Variants in LHX3 observed in about 807,000 individuals in gnomAD.
The protein encoded by LHX3 is LIM homeobox 3, also known as LIM/homeobox protein Lhx3.
LHX3 carries 21 observed loss-of-function variants against 32.4 expected under a neutral mutation model. That is an observed-to-expected ratio of 0.65 (90% CI 0.46 to 0.93). The LOEUF is 0.93. Among genes scored for constraint, LHX3 ranks in the 40% least tolerant of loss-of-function variants. LHX3 has a pLI of 0.00. For synonymous variants in LHX3, 258 were observed against 246.8 expected (o/e 1.05, Z -0.43); for missense variants, 626 against 560.0 (o/e 1.12, Z -1.19).
chr9:136,197,701 T>C lies in LHX3; in HGVS notation c.818A>G (p.Tyr273Cys), dbSNP rs558071145. 6.2e-7 allele frequency: 1 copy of C among 1,606,452 alleles called. No homozygotes were observed. Among genetic ancestry groups the C allele is most frequent in the South Asian group, 1.1e-5 (1 of 90,912 alleles). ...CTGGGTGGGTTCCCCCAAGCTCCCG[T>C]AGAGGCCATTGGCCGGGCCCATTTC... ...LAEMGPANGL[Y>C]GSLGEPTQAL... The change falls in exon 6 of 6, where the codon TAC becomes TGC. Residue 273 changes from tyrosine to cysteine, a missense_variant. Coordinates refer to ENST00000371748, the MANE Select transcript of LHX3 (RefSeq NM_178138.6).
chr9:136,196,723 G>T lies in LHX3; in HGVS notation c.*602C>A. The T allele has an allele frequency of 6.5e-6, 1 of 155,032 alleles. No individual in the cohort carries two copies. The highest frequency in any genetic ancestry group is 1.4e-5 in the Non-Finnish European group (1 of 69,804). The allele number at this position is 155,032 out of a possible 1,614,324, so 9.6% of individuals were successfully genotyped here. A position where few individuals can be genotyped will look rare whatever the true frequency, so the allele number is the denominator to read the frequency against. On this transcript the variant is annotated 3_prime_UTR_variant, in exon 6 of 6. Transcript: ENST00000371748. ...AGAACAGAATGATCTAGAGACCTGG[G>T]GATTGGGGAAAGCTTCTCCCGGGGA... is the stretch of plus-strand genomic sequence containing the variant.
chr9:136,198,796 TGGCCCGGCGGTTCTGGAACCAAACCTG>T lies in LHX3; in HGVS notation c.607-3_630del, dbSNP rs969810391. 3 of 1,608,854 alleles carry T rather than the reference TGGCCCGGCGGTTCTGGAACCAAACCTG, an allele frequency of 1.9e-6. No homozygotes were observed. The highest frequency in any genetic ancestry group is 1.3e-5 in the African/African-American group (1 of 74,744). On this transcript the variant is annotated splice_acceptor_variant and splice_polypyrimidine_tract_variant and coding_sequence_variant and intron_variant, in exon 5 of 6. Transcript: ENST00000371748. LOFTEE classifies it high-confidence loss of function. ...GCGTCCTTCTTCAGCCTCTTCTCCT[TGGCCCGGCGGTTCTGGAACCAAACCTG>T]GGGGCGGGGCGGGGTGAGCGGCCGC...
At chr9:136,201,871 G>A (rs991851016) in intron 1 of LHX3, among the ~76,000 whole-genome samples, 3 of 152,196 alleles carry the variant, frequency 2.0e-5, no homozygotes, top group Admixed American at 2.0e-4. Context: ...CGAGGACCCG[G>A]CTCGGAGCGG....
At chr9:136,202,825 G>A in intron 1 of LHX3, 3 of 1,181,954 alleles carry the variant, frequency 2.5e-6, no homozygotes, top group South Asian at 1.3e-5. Context: ...CGGACGTTCC[G>A]GGGTCCTCGC....
intron 3 of LHX3, among the ~76,000 whole-genome samples, chr9:136,199,397 G>T (rs944578611): frequency 6.6e-6 from 1 of 152,228 alleles, no homozygotes; most frequent in Non-Finnish European, 1.5e-5. Context: ...TATTCTAAGG[G>T]TGTGGGTATG....
Position 136,197,268 on chromosome 9 carries a change from G to T in LHX3, c.*57C>A. 1 of 1,589,090 alleles carries T rather than the reference G, an allele frequency of 6.3e-7. No homozygotes were observed. The highest frequency in any genetic ancestry group is 1.3e-5 in the African/African-American group (1 of 74,556). On this transcript the variant is annotated 3_prime_UTR_variant, in exon 6 of 6. Transcript: ENST00000371748. ...TCCTCGGAAACCCCAGCAGCCCCGA[G>T]CCGCCCACCCAGGGGCAGCTCCCTC...
Position 136,199,951 on chromosome 9 carries a change from A to T in LHX3, c.252-71T>A, listed in dbSNP as rs1924521. 69 of 1,488,234 alleles carry T rather than the reference A, an allele frequency of 4.6e-5. 1 individual carries two copies. In the East Asian group the frequency reaches 5.4e-4, roughly 12 times the overall value. The allele number at this position is 1,488,234 out of a possible 1,614,324, so 92.2% of individuals were successfully genotyped here. A position where few individuals can be genotyped will look rare whatever the true frequency, so the allele number is the denominator to read the frequency against. ...ATTTCGCCCCGAGCGGGTTGGAGAG[A>T]GGCAAGCGGCTGCCTGGGAAGGCGG... On this transcript the variant is annotated intron_variant, in intron 2 of 5. Coordinates refer to ENST00000371748, the MANE Select transcript of LHX3 (RefSeq NM_178138.6).
At chr9:136,199,597 C>T in intron 3 of LHX3, 81 bp downstream of exon 3, 7 of 1,468,150 alleles carry the variant, frequency 4.8e-6, no homozygotes, top group South Asian at 1.1e-5. Flanking sequence ...GAGAGAATTT[C>T]CCCGGACGCC....
intron 1 of LHX3, chr9:136,201,079 TG>T: frequency 7.5e-7 from 1 of 1,334,610 alleles, no homozygotes; most frequent in African/African-American, 1.5e-5. Context: ...AGGGTGCATG[TG>T]GAGCTCAAAT....
intron 1 of LHX3, 107 bp downstream of exon 1, chr9:136,204,827 A>G (rs943424325): frequency 3.9e-5 from 35 of 902,968 alleles, no homozygotes; most frequent in African/African-American, 1.7e-5. Context: ...TCCCGCCTGC[A>G]GAGCGGCGGG....
intron 1 of LHX3, 98 bp downstream of exon 1, chr9:136,204,836 G>T: frequency 1.0e-6 from 1 of 978,186 alleles, no homozygotes; most frequent in Non-Finnish European, 1.6e-6. Flanking sequence ...CAGAGCGGCG[G>T]GACTTTCTTT....
rs769912904 is a variant in LHX3 at position 136,202,999 on chromosome 9, G to T, written c.79+1935C>A. On this transcript the variant is annotated intron_variant, in intron 1 of 5. Coordinates refer to ENST00000371748, the MANE Select transcript of LHX3 (RefSeq NM_178138.6). ...CAGTGCTAGCAGCAGGTCGCCTCCC[G>T]CCGACTCCCGGGCCGGGCCCAGCTC... 2.6e-6 allele frequency: 4 copies of T among 1,524,742 alleles called. No homozygotes were observed. The Admixed American group carries it at 7.9e-5, about 30-fold the overall frequency. The allele number at this position is 1,524,742 out of a possible 1,614,324, so 94.5% of individuals were successfully genotyped here.
Position 136,197,147 on chromosome 9 carries a change from G to A in LHX3, c.*178C>T. 1.5e-6 allele frequency: 1 copy of A among 673,732 alleles called. No individual in the cohort carries two copies. Among genetic ancestry groups the A allele is most frequent in the Non-Finnish European group, 2.6e-6 (1 of 391,382 alleles). The allele number at this position is 673,732 out of a possible 1,614,324, so 41.7% of individuals were successfully genotyped here. On this transcript the variant is annotated 3_prime_UTR_variant, in exon 6 of 6. Coordinates refer to ENST00000371748, the MANE Select transcript of LHX3 (RefSeq NM_178138.6). ...GGGCCAGCCCTGTGTCAGAGGAGGG[G>A]CCAGGTGGGTCCCTCAGCCCCCAGA...
rs558712702 is a variant in LHX3, at chr9:136,200,740, G to A, written c.93C>T (p.Cys31=). Residue 31 remains cysteine (C), a synonymous_variant, in exon 2 of 6, where the codon TGC becomes TGT. Coordinates refer to ENST00000371748, the MANE Select transcript of LHX3 (RefSeq NM_178138.6). The part of the protein sequence containing the change: ...TLGGTREIPL[C]AGCDQHILDR... ...CCAGGATGTGCTGGTCACAGCCAGC[G>A]CACAGCGGGATCTCTGTGGGCACGA... The A allele has an allele frequency of 4.6e-5, 75 of 1,613,408 alleles. No homozygotes were observed. Among genetic ancestry groups the A allele is most frequent in the South Asian group, 2.0e-4 (18 of 91,088 alleles).
rs1489212855 is a variant in LHX3 at position 136,199,681 on chromosome 9, G to T, written c.451C>A (p.Arg151=). ...GAGCGTCGTCCCCTCGGCTGACCTC[G>T]CTGCTTGGCGGTTTCGTAGTCCGCC... ...CKADYETAKQ[R]EAEATAKRPR... Residue 151 remains arginine, a synonymous_variant, in exon 3 of 6, where the codon CGA becomes AGA. Coordinates refer to ENST00000371748, the MANE Select transcript of LHX3 (RefSeq NM_178138.6). 1 of 1,612,780 alleles carries T rather than the reference G, an allele frequency of 6.2e-7. No individual in the cohort carries two copies. The highest frequency in any genetic ancestry group is 8.5e-7 in the Non-Finnish European group (1 of 1,179,770).
At chr9:136,199,362 C>G (rs977354253) in intron 3 of LHX3, among the ~76,000 whole-genome samples, 3 of 152,154 alleles carry the variant, frequency 2.0e-5, no homozygotes, top group Non-Finnish European at 4.4e-5. Flanking sequence ...CTCCAAGCAC[C>G]CTGATTTCCC....
chr9:136,201,435 A>ACACCC (rs1189727753), intron 1 of LHX3: 4 of 1,225,002 alleles, frequency 3.3e-6, no homozygotes, highest in Non-Finnish European at 4.1e-6. Context: ...TCTGCCCCCC[A>ACACCC]CACCCCACTT....
At chr9:136,201,732 G>A in intron 1 of LHX3, 1 of 980,370 alleles carries the variant, frequency 1.0e-6, no homozygotes. Context: ...ACTGGGCTGC[G>A]CCTCCCCACG....
Position 136,197,771 on chromosome 9 carries a change from C to T in LHX3, c.776-28G>A, listed in dbSNP as rs1417096010. ...GCAACAGAAGCAGAGGCTCAGTCAG[C>T]GCCTGCCCTCCACCTGCGGCCCCTC... is the stretch of plus-strand genomic sequence containing the variant. On this transcript the variant is annotated intron_variant, in intron 5 of 5. Coordinates refer to ENST00000371748, the MANE Select transcript of LHX3 (RefSeq NM_178138.6). The T allele has an allele frequency of 6.9e-6, 11 of 1,596,812 alleles. No homozygotes were observed. The Admixed American group carries it at 8.4e-5, about 12-fold the overall frequency.
Sources: gnomAD v4.1 joint callset for allele counts (sites outside exome capture counted in the v4.1 genomes callset) on GRCh38, gnomAD v4.1.1 for gene constraint, MANE v1.5 for transcripts, NCBI Gene and HGNC (gene_info 2026-07-23, HGNC 2026-07-21) for gene names.